The following LRRC37A2 variants were observed in gnomAD, a reference collection of about 807,000 sequenced individuals.
LRRC37A2 encodes leucine rich repeat containing 37 member A2.
LRRC37A2 carries 9 observed loss-of-function variants against 68.8 expected under a neutral mutation model. The ratio of observed to expected loss-of-function variants is 0.13; its 90% CI spans 0.08 to 0.23. LRRC37A2 has a LOEUF of 0.23. LRRC37A2 is among the 10% of genes least tolerant of loss of function. The pLI is 1.00. For synonymous variants in LRRC37A2, 63 were observed against 367.6 expected, an observed-to-expected ratio of 0.17 and a Z score of 9.48; for missense variants, 168 against 950.4, an observed-to-expected ratio of 0.18 and a Z score of 10.82.
At chr17:46,921,960 T>C in the LRRC37A2 span, among the ~76,000 whole-genome samples, 1 of 152,236 alleles carries the variant, frequency 6.6e-6, no homozygotes, top group Non-Finnish European at 1.5e-5. Context: ...AAATACCATT[T>C]GACCCAGCCA....
chr17:46,500,876 A>G, the LRRC37A2 span, among the ~76,000 whole-genome samples: 4 of 150,950 alleles, frequency 2.6e-5, no homozygotes, highest in Non-Finnish European at 5.9e-5. Context: ...CAACCTGGGA[A>G]TTGTTAGAAA....
chr17:46,797,742 C>CTATCT, the LRRC37A2 span, among the ~76,000 whole-genome samples: 16 of 152,128 alleles, frequency 1.1e-4, no homozygotes, highest in African/African-American at 3.9e-4. Flanking sequence ...TAAAGATGGA[C>CTATCT]TATTATGCAA....
chr17:46,558,349 C>T (rs1473760191), downstream of LRRC37A2, among the ~76,000 whole-genome samples: 7 of 108,226 alleles, frequency 6.5e-5, no homozygotes, highest in African/African-American at 2.0e-4. Flanking sequence ...TGCGAGCTAC[C>T]GCGCCTGGCT....
At chr17:46,838,307 G>A in the LRRC37A2 span, among the ~76,000 whole-genome samples, 1 of 148,650 alleles carries the variant, frequency 6.7e-6, no homozygotes. Context: ...AGAAGAGATA[G>A]AACGGGGCCT....
chr17:46,558,249 G>A (rs1424695749), downstream of LRRC37A2, among the ~76,000 whole-genome samples: 1 of 102,448 alleles, frequency 9.8e-6, no homozygotes, highest in Non-Finnish European at 1.9e-5. Flanking sequence ...TAGTAGAGAT[G>A]GGGTTTCACC....
At chr17:46,383,331 GT>G in the LRRC37A2 span, among the ~76,000 whole-genome samples, 1 of 141,064 alleles carries the variant, frequency 7.1e-6, no homozygotes, top group Non-Finnish European at 1.6e-5. Flanking sequence ...ACATGAGTGT[GT>G]GTCTCCATGC....
chr17:46,941,903 G>A, the LRRC37A2 span: 3 of 984,280 alleles, frequency 3.0e-6, no homozygotes, highest in African/African-American at 3.5e-5. Flanking sequence ...TGATTCTGAT[G>A]TGTGTATTTT....
chr17:46,734,755 GT>G, the LRRC37A2 span, among the ~76,000 whole-genome samples: 1 of 152,086 alleles, frequency 6.6e-6, no homozygotes, highest in Non-Finnish European at 1.5e-5. Context: ...AATTTCAAAT[GT>G]ATCAAAAACA....
chr17:46,778,947 T>G, the LRRC37A2 span, among the ~76,000 whole-genome samples: 1 of 152,096 alleles, frequency 6.6e-6, no homozygotes, highest in Non-Finnish European at 1.5e-5. Flanking sequence ...TATCCCAAAG[T>G]GCTGAACTGA....
chr17:46,945,560 GC>G, the LRRC37A2 span, among the ~76,000 whole-genome samples: 1 of 152,288 alleles, frequency 6.6e-6, no homozygotes, highest in South Asian at 2.1e-4. Context: ...AAACAGAATT[GC>G]ATCTTTGCTG....
chr17:47,018,020 G>A, the LRRC37A2 span: 20 of 1,497,938 alleles, frequency 1.3e-5, no homozygotes, highest in Middle Eastern at 2.0e-4. Flanking sequence ...TAACTCTACC[G>A]AATCATGAGG....
chr17:46,894,956 G>A, the LRRC37A2 span, among the ~76,000 whole-genome samples: 9 of 152,222 alleles, frequency 5.9e-5, no homozygotes, highest in Admixed American at 6.5e-5. Context: ...GCAGGGGCCT[G>A]TGCTCGGGAC....
chr17:46,753,061 G>A, the LRRC37A2 span, among the ~76,000 whole-genome samples: 1 of 152,194 alleles, frequency 6.6e-6, no homozygotes, highest in East Asian at 1.9e-4. Context: ...GAGCCACTGC[G>A]CCCGGCCAGT....
the LRRC37A2 span, among the ~76,000 whole-genome samples, chr17:46,795,175 C>G: frequency 3.3e-5 from 5 of 152,106 alleles, no homozygotes; most frequent in Non-Finnish European, 7.4e-5. Flanking sequence ...TGTTCCCTAC[C>G]AGGAATGAAT....
At chr17:46,884,923 G>T in the LRRC37A2 span, 15 of 347,098 alleles carry the variant, frequency 4.3e-5, no homozygotes, top group South Asian at 3.0e-4. Context: ...AGTGAAATTT[G>T]TGAACTCCCC....
the LRRC37A2 span, among the ~76,000 whole-genome samples, chr17:46,824,611 A>G: frequency 6.6e-6 from 1 of 152,236 alleles, no homozygotes; most frequent in East Asian, 1.9e-4. Context: ...TCCGTCTCCA[A>G]CTGTGAAATC....
At chr17:47,000,027 A>ATAAAGTAAAG in the LRRC37A2 span, among the ~76,000 whole-genome samples, 20 of 22,786 alleles carry the variant, frequency 8.8e-4, 1 homozygote, top group Admixed American at 2.7e-3. Context: ...ATAAAATAAA[A>ATAAAGTAAAG]TAAAATAAAA....
chr17:46,794,039 C>T, the LRRC37A2 span, among the ~76,000 whole-genome samples: 289 of 152,168 alleles, frequency 1.9e-3, 2 homozygotes, highest in South Asian at 0.022. Context: ...CAGTGTCACA[C>T]GGTGAAATCT....
the LRRC37A2 span, among the ~76,000 whole-genome samples, chr17:46,573,004 A>G: frequency 3.2e-5 from 1 of 31,352 alleles, no homozygotes; most frequent in East Asian, 4.3e-4. Context: ...GGAGGAAGGG[A>G]GGAAGGGAGG....
Sources: gnomAD v4.1 joint callset for allele counts (sites outside exome capture counted in the v4.1 genomes callset) on GRCh38, gnomAD v4.1.1 for gene constraint, MANE v1.5 for transcripts, NCBI Gene and HGNC (gene_info 2026-07-23, HGNC 2026-07-21) for gene names.